The following UBE2D3 variants were observed in gnomAD, a reference collection of about 807,000 sequenced individuals.
UBE2D3 encodes ubiquitin conjugating enzyme E2 D3, also known as ubiquitin-conjugating enzyme E2 D3.
UBE2D3 carries 2 observed loss-of-function variants against 22.8 expected under a neutral mutation model. The ratio of observed to expected loss-of-function variants is 0.09; its 90% CI spans 0.04 to 0.28. The LOEUF is 0.28. UBE2D3 is among the 10% of genes least tolerant of loss of function. The pLI is 1.00. For synonymous variants in UBE2D3, 56 were observed against 60.4 expected, an observed-to-expected ratio of 0.93 and a Z score of 0.34; for missense variants, 27 against 182.5, an observed-to-expected ratio of 0.15 and a Z score of 4.91.
In UBE2D3 at chr4:102,799,836, G is replaced by A. The variant is rs1031625697; in HGVS notation, c.305-336C>T. 2.1e-3 allele frequency among the ~76,000 whole-genome samples: 311 copies of A among 146,500 alleles called. 4 individuals are homozygous for A. The highest frequency in any genetic ancestry group is 7.1e-3 in the African/African-American group (286 of 40,338). ...AGTTTCTTGGTACTCAGTGGCTGGG[G>A]GGGGGGGGACTTTAGCAAGAATATG... On this transcript the variant is annotated intron_variant, in intron 6 of 7. Coordinates refer to ENST00000453744, the MANE Select transcript of UBE2D3 (RefSeq NM_181891.3).
upstream of UBE2D3, among the ~76,000 whole-genome samples, chr4:102,830,937 T>C (rs1462895084): frequency 6.6e-6 from 1 of 152,256 alleles, no homozygotes; most frequent in African/African-American, 2.4e-5. Context: ...TCTTATTACA[T>C]GAATTTTTCA....
chr4:102,864,483 G>A (rs1733055142), intron 1 of UBE2D3, among the ~76,000 whole-genome samples: 1 of 152,186 alleles, frequency 6.6e-6, no homozygotes, highest in Non-Finnish European at 1.5e-5. Flanking sequence ...CAGTAAAATT[G>A]CTGAATTTAA....
At chr4:102,811,672 AAAC>A (rs1050053943) in intron 2 of UBE2D3, 3 of 371,644 alleles carry the variant, frequency 8.1e-6, no homozygotes, top group Middle Eastern at 5.6e-4. Flanking sequence ...ACTGTCTCAA[AAAC>A]AACAAAAAAA....
In UBE2D3 at chr4:102,798,937, T is replaced by C. The variant is rs748047962; in HGVS notation, c.398+470A>G. 3 of 1,611,718 alleles carry C rather than the reference T, an allele frequency of 1.9e-6. No individual in the cohort carries two copies. In the East Asian group the frequency reaches 6.7e-5, roughly 36 times the overall value. On this transcript the variant is annotated intron_variant, in intron 7 of 7. Transcript: ENST00000453744. ...GTGCAGATCCTCTTACCCTACAACA[T>C]AGCGTATTTCTCTGTCCACTCTCTT...
chr4:102,822,925 G>A (rs781653639), intron 2 of UBE2D3, among the ~76,000 whole-genome samples: 7 of 152,148 alleles, frequency 4.6e-5, no homozygotes, highest in Non-Finnish European at 1.0e-4. Flanking sequence ...AACACAGTGA[G>A]ACTCCGTCTC....
upstream of UBE2D3, chr4:102,827,688 C>T: frequency 2.0e-6 from 2 of 985,456 alleles, no homozygotes; most frequent in Non-Finnish European, 2.4e-6. Context: ...ACGTCCGGGG[C>T]CGAGTGAATA....
Position 102,821,015 on chromosome 4 carries a change from C to T in UBE2D3, c.24+5470G>A, listed in dbSNP as rs548338020. ...TTTCAACAAAGTATAAAAATACTTC[C>T]CTAAACTTTTCCCTTCCCTACATAA... is the stretch of plus-strand genomic sequence containing the variant. On this transcript the variant is annotated intron_variant, in intron 2 of 7. Transcript: ENST00000453744. 4.3e-4 allele frequency among the ~76,000 whole-genome samples: 66 copies of T among 152,080 alleles called. 2 individuals are homozygous for T. In the South Asian group the frequency reaches 0.014, roughly 32 times the overall value.
rs900653147 is a variant in UBE2D3, at chr4:102,827,201, A to G, written c.-129+226T>C. 1.1e-5 allele frequency: 11 copies of G among 985,440 alleles called. 1 individual carries two copies. In the Admixed American group the frequency reaches 3.1e-4, roughly 28 times the overall value. The allele number at this position is 985,440 out of a possible 1,614,324, so 61.0% of individuals were successfully genotyped here. A position where few individuals can be genotyped will look rare whatever the true frequency, so the allele number is the denominator to read the frequency against. On this transcript the variant is annotated intron_variant, in intron 1 of 7. Coordinates refer to ENST00000453744, the MANE Select transcript of UBE2D3 (RefSeq NM_181891.3). ...GCGCGCCCGCCCAGCCACCTCCACC[A>G]CGCGCCCGCGCTGTCCCTGAGGCTC...
chr4:102,851,529 T>G (rs891159969), intron 1 of UBE2D3, among the ~76,000 whole-genome samples: 1 of 152,228 alleles, frequency 6.6e-6, no homozygotes, highest in Admixed American at 6.5e-5. Flanking sequence ...AGATAATTTG[T>G]AGGAAACAGA....
intron 1 of UBE2D3, among the ~76,000 whole-genome samples, chr4:102,840,043 A>G (rs1731656859): frequency 6.6e-6 from 1 of 152,244 alleles, no homozygotes; most frequent in South Asian, 2.1e-4. Context: ...ATCACTAATC[A>G]TCAGAAAGAT....
intron 1 of UBE2D3, chr4:102,827,123 G>T: frequency 3.0e-6 from 3 of 986,614 alleles, no homozygotes; most frequent in Non-Finnish European, 3.6e-6. Flanking sequence ...GAGCTATTCT[G>T]TGTCACCCCT....
chr4:102,857,855 G>A (rs1251890011), intron 1 of UBE2D3, among the ~76,000 whole-genome samples: 1 of 151,804 alleles, frequency 6.6e-6, no homozygotes, highest in East Asian at 1.9e-4. Flanking sequence ...CACCATGCCT[G>A]GCTAATTTTT....
At chr4:102,854,363 T>A (rs967522186) in intron 1 of UBE2D3, among the ~76,000 whole-genome samples, 1 of 152,170 alleles carries the variant, frequency 6.6e-6, no homozygotes, top group African/African-American at 2.4e-5. Flanking sequence ...TACAGTTCAA[T>A]TTTTACTGAT....
intron 1 of UBE2D3, among the ~76,000 whole-genome samples, chr4:102,858,272 G>T (rs1398328358): frequency 6.6e-6 from 1 of 151,962 alleles, no homozygotes; most frequent in Non-Finnish European, 1.5e-5. Context: ...AGCTCAAAAT[G>T]CTGATAAGAT....
chr4:102,816,578 T>C (rs889324537), intron 2 of UBE2D3, among the ~76,000 whole-genome samples: 1 of 152,190 alleles, frequency 6.6e-6, no homozygotes, highest in African/African-American at 2.4e-5. Flanking sequence ...TTAAAAAATA[T>C]ATACAGCAGT....
intron 5 of UBE2D3, 38 bp downstream of exon 5, chr4:102,802,523 T>C: frequency 6.6e-7 from 1 of 1,521,930 alleles, no homozygotes; most frequent in Non-Finnish European, 9.0e-7. Flanking sequence ...AAATAAAGCA[T>C]AAATCTATAC....
At chr4:102,805,780 TTCTACTTGGATATC>T (rs146501698) in intron 4 of UBE2D3, among the ~76,000 whole-genome samples, 265 of 152,322 alleles carry the variant, frequency 1.7e-3, no homozygotes, top group African/African-American at 6.1e-3. Flanking sequence ...CTACTGATAT[TTCTACTTGGATATC>T]TCTACTTGGA....
chr4:102,830,415 G>A (rs537813984), upstream of UBE2D3, among the ~76,000 whole-genome samples: 1 of 152,040 alleles, frequency 6.6e-6, no homozygotes, highest in Admixed American at 6.6e-5. Context: ...TTTACATTTA[G>A]AAATTAATAA....
At chr4:102,809,068 C>T (rs990568003) in intron 4 of UBE2D3, 1 of 202,268 alleles carries the variant, frequency 4.9e-6, no homozygotes, top group East Asian at 1.5e-4. Context: ...ACAGTCTTAC[C>T]CCAGGATGTT....
Sources: gnomAD v4.1 joint callset for allele counts (sites outside exome capture counted in the v4.1 genomes callset) on GRCh38, gnomAD v4.1.1 for gene constraint, MANE v1.5 for transcripts, NCBI Gene and HGNC (gene_info 2026-07-23, HGNC 2026-07-21) for gene names.